Variants in OR51L1 observed in about 807,000 individuals in gnomAD.
OR51L1 encodes the protein olfactory receptor 51L1.
A neutral mutation model predicts 1.4 loss-of-function variants in OR51L1; 1 was observed. The ratio of observed to expected loss-of-function variants is 0.72; its 90% CI spans 0.26 to 3.42. The LOEUF (loss-of-function observed/expected upper bound fraction) is 3.42, where lower values mean the gene tolerates loss of function less well. Among genes scored for constraint, OR51L1 ranks in the 30% most tolerant of loss-of-function variants. The pLI, the probability that OR51L1 is intolerant of heterozygous loss-of-function variation, is 0.20. For missense variants in OR51L1, 378 were observed against 380.0 expected (o/e 0.99, Z 0.04); for synonymous variants, 156 against 144.2 (o/e 1.08, Z -0.59).
Position 5,002,704 on chromosome 11 carries a change from T to G in OR51L1, c.*2774T>G, listed in dbSNP as rs982517844. 20 of 152,150 alleles carry G rather than the reference T, an allele frequency of 1.3e-4. No individual in the cohort carries two copies. Among genetic ancestry groups the G allele is most frequent in the Admixed American group, 1.3e-3 (20 of 15,276 alleles). 9.4% of individuals were successfully genotyped at this position (152,150 alleles called of 1,614,324 possible). On this transcript the variant is annotated 3_prime_UTR_variant, in exon 3 of 3. Transcript: ENST00000641819. Reference sequence around the variant, plus strand: ...CACTGGGCAATTTTATATCCAGGACTCCCCGTGATGTTGGACAAGGCTATC... The same window carrying G: ...CACTGGGCAATTTTATATCCAGGACGCCCCGTGATGTTGGACAAGGCTATC...
rs1564823121 is a variant in OR51L1 at position 4,999,959 on chromosome 11, G to A, written c.*29G>A. The A allele has an allele frequency of 1.3e-6, 2 of 1,555,144 alleles. No individual in the cohort carries two copies. Among genetic ancestry groups the A allele is most frequent in the South Asian group, 1.2e-5 (1 of 81,730 alleles). On this transcript the variant is annotated 3_prime_UTR_variant, in exon 3 of 3. Coordinates refer to ENST00000641819, the MANE Select transcript of OR51L1 (RefSeq NM_001004755.2). ...ACCTCTGTCCTCCAACTTTTCCACT[G>A]AAAATCTCATGGAAGCTGTTTTAGT...
intron 1 of OR51L1, among the ~76,000 whole-genome samples, chr11:4,996,918 G>C (rs533966663): frequency 1.3e-5 from 2 of 151,994 alleles, no homozygotes; most frequent in South Asian, 4.1e-4. Context: ...TGAGTGAGGA[G>C]AAAGAAAAAA....
rs922313705 is a variant in OR51L1 at position 5,002,473 on chromosome 11, T to G, written c.*2543T>G. ...ACATGGGCTATGATGGACAAAGATA[T>G]GTAGTTTCAGCCCCATTTCAATGAA... On this transcript the variant is annotated 3_prime_UTR_variant, in exon 3 of 3. Transcript: ENST00000641819. 1.3e-5 allele frequency: 2 copies of G among 152,130 alleles called. No individual in the cohort carries two copies. Among genetic ancestry groups the G allele is most frequent in the African/African-American group, 2.4e-5 (1 of 41,416 alleles). 9.4% of individuals were successfully genotyped at this position (152,130 alleles called of 1,614,324 possible). A position where few individuals can be genotyped will look rare whatever the true frequency, so the allele number is the denominator to read the frequency against.
rs370898994 is a variant in OR51L1, at chr11:5,003,237, C to T, written c.*3307C>T. 25 of 152,378 alleles carry T rather than the reference C, an allele frequency of 1.6e-4. 1 individual carries two copies. The South Asian group carries it at 3.5e-3, about 21-fold the overall frequency. The allele number at this position is 152,378 out of a possible 1,614,324, so 9.4% of individuals were successfully genotyped here. ...TATAGTCTGGCGCCTTTCCCGTGAT[C>T]CTTCCCTTAGAGTGGGCTACCCACA... On this transcript the variant is annotated 3_prime_UTR_variant, in exon 3 of 3. Coordinates refer to ENST00000641819, the MANE Select transcript of OR51L1 (RefSeq NM_001004755.2).
At chr11:4,996,817 CTG>C (rs147951127) in intron 1 of OR51L1, among the ~76,000 whole-genome samples, 2,513 of 147,804 alleles carry the variant, frequency 0.017, 37 homozygotes, top group Non-Finnish European at 0.025. Context: ...CTCTCTCACT[CTG>C]TGTGTGTGTG....
At position 5,000,159 on chromosome 11, in the gene OR51L1, A is replaced by G; in HGVS notation, c.*229A>G. On this transcript the variant is annotated 3_prime_UTR_variant, in exon 3 of 3. Transcript: ENST00000641819. ...CCCAGGTCATTACAAGACTTATAAT[A>G]GAAAATGTATGTGCTAAGTCAAGTT... The G allele has an allele frequency of 2.4e-6, 1 of 415,100 alleles. No individual in the cohort carries two copies. The highest frequency in any genetic ancestry group is 4.3e-6 in the Non-Finnish European group (1 of 235,010). 25.7% of individuals were successfully genotyped at this position (415,100 alleles called of 1,614,324 possible). A position where few individuals can be genotyped will look rare whatever the true frequency, so the allele number is the denominator to read the frequency against.
At chr11:4,996,769 C>CTTTCTTTG (rs1554896491) in intron 1 of OR51L1, among the ~76,000 whole-genome samples, 2 of 84,696 alleles carry the variant, frequency 2.4e-5, no homozygotes, top group African/African-American at 9.3e-5. Context: ...TTCTTTCTTT[C>CTTTCTTTG]ATTTCTCTCT....
chr11:4,995,884 A>T (rs1847063762), intron 1 of OR51L1, among the ~76,000 whole-genome samples: 1 of 152,084 alleles, frequency 6.6e-6, no homozygotes, highest in Admixed American at 6.6e-5. Context: ...CAGTGAGAGG[A>T]TAAGAAAGGG....
intron 1 of OR51L1, among the ~76,000 whole-genome samples, chr11:4,996,252 G>GCACA (rs139320721): frequency 6.7e-6 from 1 of 150,202 alleles, no homozygotes; most frequent in African/African-American, 2.4e-5. Context: ...GTGTGTGCAT[G>GCACA]CACACACACA....
rs1377265374 is a variant in OR51L1 at position 4,999,164 on chromosome 11, T to C, written c.182T>C (p.Met61Thr). 6.2e-7 allele frequency: 1 copy of C among 1,613,964 alleles called. No individual in the cohort carries two copies. Residue 61 changes from methionine to threonine, a missense_variant, in exon 3 of 3, where the codon ATG becomes ACG. Transcript: ENST00000641819. Reference protein sequence around the residue: ...IWIESSLHQPMYYFISILAVN... With the variant: ...IWIESSLHQPTYYFISILAVN... Reference sequence around the variant, plus strand: ...ATAGAATCCTCTCTCCATCAGCCCATGTATTACTTTATTTCCATCTTAGCA... The same window carrying C: ...ATAGAATCCTCTCTCCATCAGCCCACGTATTACTTTATTTCCATCTTAGCA...
Position 4,999,550 on chromosome 11 carries a change from TC to T in OR51L1, c.570del (p.Cys191ValfsTer14), listed in dbSNP as rs1847107342. 1 of 1,613,938 alleles carries T rather than the reference TC, an allele frequency of 6.2e-7. No individual in the cohort carries two copies. The highest frequency in any genetic ancestry group is 1.1e-5 in the South Asian group (1 of 91,088). On this transcript the variant is annotated frameshift_variant, in exon 3 of 3. Transcript: ENST00000641819. LOFTEE classifies it low-confidence loss of function (END_TRUNC). ...FCLHQDVLRL[S>X]CTDARTNSIY... Reference sequence around the variant, plus strand: ...TTTGCACCAGGATGTTCTAAGATTATCCTGTACAGATGCCAGGACCAACAGT... The same window carrying T: ...TTTGCACCAGGATGTTCTAAGATTATCTGTACAGATGCCAGGACCAACAGT...
rs991857638 is a variant in OR51L1, at chr11:5,004,599, C to T, written c.*4669C>T. Reference sequence around the variant, plus strand: ...GAGAATAATCAAAGAGAAGTACACACGAACTTCTCTTACAAGTGTCCCTGC... The same window carrying T: ...GAGAATAATCAAAGAGAAGTACACATGAACTTCTCTTACAAGTGTCCCTGC... On this transcript the variant is annotated 3_prime_UTR_variant, in exon 3 of 3. Transcript: ENST00000641819. 2.0e-5 allele frequency: 3 copies of T among 152,100 alleles called. No homozygotes were observed. Among genetic ancestry groups the T allele is most frequent in the Non-Finnish European group, 4.4e-5 (3 of 68,034 alleles). The allele number at this position is 152,100 out of a possible 1,614,324, so 9.4% of individuals were successfully genotyped here. A position where few individuals can be genotyped will look rare whatever the true frequency, so the allele number is the denominator to read the frequency against.
Position 5,003,172 on chromosome 11 carries a change from T to A in OR51L1, c.*3242T>A, listed in dbSNP as rs1847146630. 6.6e-6 allele frequency: 1 copy of A among 152,204 alleles called. No individual in the cohort carries two copies. Among genetic ancestry groups the A allele is most frequent in the Admixed American group, 6.5e-5 (1 of 15,276 alleles). 9.4% of individuals were successfully genotyped at this position (152,204 alleles called of 1,614,324 possible). A position where few individuals can be genotyped will look rare whatever the true frequency, so the allele number is the denominator to read the frequency against. ...GCTTGGAAGAGACCCAAGGGTAAAT[T>A]GAAGGACAAGTGCTGTGTTTAACCT... is the stretch of plus-strand genomic sequence containing the variant. On this transcript the variant is annotated 3_prime_UTR_variant, in exon 3 of 3. Transcript: ENST00000641819.
rs956915786 is a variant in OR51L1 at position 5,000,926 on chromosome 11, C to T, written c.*996C>T. ...ATGGAACTTCTTTTTCTTTCTTTTT[C>T]TTTTGAGACTGAGTCTTGCTCTGTC... On this transcript the variant is annotated 3_prime_UTR_variant, in exon 3 of 3. Coordinates refer to ENST00000641819, the MANE Select transcript of OR51L1 (RefSeq NM_001004755.2). 2.0e-5 allele frequency: 3 copies of T among 152,168 alleles called. No individual in the cohort carries two copies. Among genetic ancestry groups the T allele is most frequent in the African/African-American group, 7.3e-5 (3 of 41,356 alleles). 9.4% of individuals were successfully genotyped at this position (152,168 alleles called of 1,614,324 possible).
intron 1 of OR51L1, among the ~76,000 whole-genome samples, chr11:4,997,212 T>C (rs1412267506): frequency 6.6e-6 from 1 of 152,168 alleles, no homozygotes; most frequent in Non-Finnish European, 1.5e-5. Context: ...GAGGGCTTTG[T>C]GCTTTCTTTT....
chr11:5,004,567 G>A lies in OR51L1; in HGVS notation c.*4637G>A, dbSNP rs980086918. 1.4e-4 allele frequency: 22 copies of A among 152,114 alleles called. No homozygotes were observed. The highest frequency in any genetic ancestry group is 4.8e-4 in the African/African-American group (20 of 41,428). The allele number at this position is 152,114 out of a possible 1,614,324, so 9.4% of individuals were successfully genotyped here. A position where few individuals can be genotyped will look rare whatever the true frequency, so the allele number is the denominator to read the frequency against. ...TATTTCTCATTACACGCCTCTGGTA[G>A]AAGAGAGAGAATAATCAAAGAGAAG... On this transcript the variant is annotated 3_prime_UTR_variant, in exon 3 of 3. Coordinates refer to ENST00000641819, the MANE Select transcript of OR51L1 (RefSeq NM_001004755.2).
Position 5,003,110 on chromosome 11 carries a change from T to C in OR51L1, c.*3180T>C, listed in dbSNP as rs971553514. Reference sequence around the variant, plus strand: ...AGTTTCGAGCAGGAGTGGAAGTTTATTTAAAAATGCTTTAGAAGAGGAAAA... The same window carrying C: ...AGTTTCGAGCAGGAGTGGAAGTTTACTTAAAAATGCTTTAGAAGAGGAAAA... On this transcript the variant is annotated 3_prime_UTR_variant, in exon 3 of 3. Transcript: ENST00000641819. The C allele has an allele frequency of 1.1e-4, 16 of 152,296 alleles. No individual in the cohort carries two copies. Among genetic ancestry groups the C allele is most frequent in the African/African-American group, 3.6e-4 (15 of 41,550 alleles). The allele number at this position is 152,296 out of a possible 1,614,324, so 9.4% of individuals were successfully genotyped here. A position where few individuals can be genotyped will look rare whatever the true frequency, so the allele number is the denominator to read the frequency against.
rs1028726427 is a variant in OR51L1, at chr11:4,999,165, G to A, written c.183G>A (p.Met61Ile). The change falls in exon 3 of 3, where the codon ATG (methionine) becomes ATA (isoleucine). Residue 61 changes from methionine to isoleucine, a missense_variant. Met to Ile is a conservative substitution (Grantham distance 10). Coordinates refer to ENST00000641819, the MANE Select transcript of OR51L1 (RefSeq NM_001004755.2). ...TAGAATCCTCTCTCCATCAGCCCAT[G>A]TATTACTTTATTTCCATCTTAGCAG... Reference protein sequence around the residue: ...IWIESSLHQPMYYFISILAVN... With the variant: ...IWIESSLHQPIYYFISILAVN... The A allele has an allele frequency of 4.3e-6, 7 of 1,613,992 alleles. No individual in the cohort carries two copies. In the Admixed American group the frequency reaches 1.2e-4, roughly 27 times the overall value.
rs192034967 is a variant in OR51L1 at position 4,997,869 on chromosome 11, A to C, written c.-160+286A>C. On this transcript the variant is annotated intron_variant, in intron 2 of 2. Coordinates refer to ENST00000641819, the MANE Select transcript of OR51L1 (RefSeq NM_001004755.2). Reference sequence around the variant, plus strand: ...CACTGATAGTGAATATTTAAGGCCTAAATTCTGGATTGTCATGAGTTCACA... The same window carrying C: ...CACTGATAGTGAATATTTAAGGCCTCAATTCTGGATTGTCATGAGTTCACA... 1.8e-3 allele frequency among the ~76,000 whole-genome samples: 278 copies of C among 152,318 alleles called. 2 individuals carry two copies. The highest frequency in any genetic ancestry group is 6.4e-3 in the African/African-American group (268 of 41,576).
Sources: allele counts gnomAD v4.1 joint callset (sites outside exome capture counted in the v4.1 genomes callset), GRCh38; gene constraint gnomAD v4.1.1; transcripts MANE v1.5; gene names NCBI Gene and HGNC (gene_info 2026-07-23, HGNC 2026-07-21).